The following MCPH1 variants were observed in gnomAD, a reference collection of about 807,000 sequenced individuals.
The protein encoded by MCPH1 is microcephalin 1, also known as microcephalin.
MCPH1 carries 104 observed loss-of-function variants against 84.5 expected under a neutral mutation model. The observed-to-expected ratio is 1.23, with a 90% CI of 1.05 to 1.45. The LOEUF is 1.45. Ranked by LOEUF, MCPH1 falls within the 40% of genes most tolerant of loss-of-function variation. The probability of loss-of-function intolerance (pLI) is 0.00; values close to 1 mark genes in which losing one functional copy is unlikely to be tolerated. For synonymous variants in MCPH1, 514 were observed against 366.8 expected (o/e 1.40, Z -4.58); for missense variants, 1,498 against 1,005.7 (o/e 1.49, Z -6.62).
At chr8:6,447,500 G>A (rs1273532687) in intron 8 of MCPH1, 2 of 792,494 alleles carry the variant, frequency 2.5e-6, no homozygotes, top group Non-Finnish European at 3.1e-6. Flanking sequence ...GCTTCAATAC[G>A]CTGATAGAAC....
chr8:6,461,089 G>C (rs971089889), intron 9 of MCPH1, among the ~76,000 whole-genome samples: 4 of 152,076 alleles, frequency 2.6e-5, no homozygotes, highest in Non-Finnish European at 5.9e-5. Context: ...ACGTAGGTCA[G>C]TTTGCAAAAG....
chr8:6,606,878 CTT>C (rs1475866572), intron 12 of MCPH1, among the ~76,000 whole-genome samples: 3 of 152,348 alleles, frequency 2.0e-5, no homozygotes, highest in African/African-American at 7.2e-5. Context: ...GCTCTCTTCT[CTT>C]GTTTGCCACC....
rs1804202432 is a variant in MCPH1, at chr8:6,445,475, T to C, written c.1753T>C (p.Cys585Arg). The change falls in exon 8 of 14, where the codon TGT (cysteine) becomes CGT (arginine). Residue 585 changes from cysteine (C) to arginine (R), a missense_variant. Coordinates refer to ENST00000344683, the MANE Select transcript of MCPH1 (RefSeq NM_024596.5). ...EGEAQSEHEP[C>R]FIVDCNMETS... ...CGAAGCCCAGAGTGAACATGAGCCA[T>C]GTTTTATAGTTGACTGTAACATGGA... is the stretch of plus-strand genomic sequence containing the variant. The C allele has an allele frequency of 2.5e-6, 4 of 1,614,138 alleles. No individual in the cohort carries two copies. Among genetic ancestry groups the C allele is most frequent in the East Asian group, 2.2e-5 (1 of 44,890 alleles).
intron 5 of MCPH1, 114 bp downstream of exon 5, chr8:6,436,276 T>G: frequency 8.5e-7 from 1 of 1,172,666 alleles, no homozygotes; most frequent in Non-Finnish European, 1.2e-6. Context: ...TATGATAGCT[T>G]TACTCTATGA....
intron 13 of MCPH1, among the ~76,000 whole-genome samples, chr8:6,623,198 A>C (rs982644966): frequency 4.0e-5 from 6 of 151,890 alleles, no homozygotes; most frequent in African/African-American, 1.5e-4. Flanking sequence ...CCCATCTCCA[A>C]ATACAGTCTC....
chr8:6,445,067 A>G lies in MCPH1; in HGVS notation c.1345A>G (p.Lys449Glu), dbSNP rs1470589773. ...TCAGTTGAGCTGCAGAAGTCTTTCTAAGAAGGAGAGAACAAGCATATTTGA... is the reference window on the plus strand; with the variant it reads ...TCAGTTGAGCTGCAGAAGTCTTTCTGAGAAGGAGAGAACAAGCATATTTGA... ...PAQLSCRSLSKKERTSIFEMS... is the reference protein window; with the variant it reads ...PAQLSCRSLSEKERTSIFEMS... Residue 449 changes from lysine (K) to glutamate (E), a missense_variant, in exon 8 of 14, where the codon AAG (lysine) becomes GAG (glutamate). By Grantham distance (56) the Lys-to-Glu change is moderately conservative. Coordinates refer to ENST00000344683, the MANE Select transcript of MCPH1 (RefSeq NM_024596.5). 2.5e-6 allele frequency: 4 copies of G among 1,614,120 alleles called. No individual in the cohort carries two copies. The highest frequency in any genetic ancestry group is 2.5e-6 in the Non-Finnish European group (3 of 1,180,052).
chr8:6,629,837 C>A (rs1416920125), intron 13 of MCPH1, among the ~76,000 whole-genome samples: 3 of 152,310 alleles, frequency 2.0e-5, no homozygotes, highest in South Asian at 4.1e-4. Context: ...GACCCAGAAC[C>A]CCAGTCCTGG....
intron 12 of MCPH1, chr8:6,618,688 A>G (rs1831105638): frequency 6.6e-6 from 1 of 152,198 alleles, no homozygotes; most frequent in Non-Finnish European, 1.5e-5. Context: ...GCTATTTCCA[A>G]AAATAGGTGG....
intron 9 of MCPH1, among the ~76,000 whole-genome samples, chr8:6,457,500 G>A (rs958156904): frequency 1.3e-5 from 2 of 151,712 alleles, no homozygotes; most frequent in Non-Finnish European, 2.9e-5. Context: ...AGCTGCTCAA[G>A]AGACTGAGGT....
intron 11 of MCPH1, 146 bp from the exon 12 acceptor site, chr8:6,499,706 C>T (rs564670184): frequency 3.9e-5 from 27 of 690,720 alleles, no homozygotes; most frequent in Non-Finnish European, 6.2e-5. Context: ...CATGAAGATT[C>T]TGAAGGGACT....
chr8:6,568,373 G>C (rs1271096049), intron 12 of MCPH1, among the ~76,000 whole-genome samples: 1 of 152,212 alleles, frequency 6.6e-6, no homozygotes, highest in Non-Finnish European at 1.5e-5. Context: ...AATCCGTGCA[G>C]CTCTCATAAG....
intron 12 of MCPH1, among the ~76,000 whole-genome samples, chr8:6,528,047 C>A (rs1238961002): frequency 6.8e-6 from 1 of 147,566 alleles, no homozygotes; most frequent in Non-Finnish European, 1.5e-5. Flanking sequence ...AGGTGCGTAC[C>A]ACCATACCCA....
chr8:6,418,770 C>T (rs1308925596), intron 3 of MCPH1, among the ~76,000 whole-genome samples: 3 of 151,988 alleles, frequency 2.0e-5, no homozygotes, highest in Non-Finnish European at 1.5e-5. Context: ...TTAGTGGACA[C>T]GGGGTTTCAC....
intron 13 of MCPH1, among the ~76,000 whole-genome samples, chr8:6,628,095 C>A (rs1796877570): frequency 2.0e-5 from 3 of 152,176 alleles, no homozygotes; most frequent in East Asian, 1.9e-4. Context: ...AACTTCCTAA[C>A]CTGTTGGGTC....
At chr8:6,499,228 T>C (rs1438714642) in intron 11 of MCPH1, among the ~76,000 whole-genome samples, 1 of 152,004 alleles carries the variant, frequency 6.6e-6, no homozygotes, top group Admixed American at 6.5e-5. Flanking sequence ...ATTACTGAAT[T>C]AAAAAGGAAA....
chr8:6,463,091 A>G (rs1191211669), intron 9 of MCPH1, among the ~76,000 whole-genome samples: 1 of 152,240 alleles, frequency 6.6e-6, no homozygotes, highest in Non-Finnish European at 1.5e-5. Flanking sequence ...GGGGGTGAGT[A>G]TAGGAGTATA....
At chr8:6,472,271 C>G (rs540543579) in intron 9 of MCPH1, among the ~76,000 whole-genome samples, 6 of 152,208 alleles carry the variant, frequency 3.9e-5, no homozygotes, top group African/African-American at 1.4e-4. Context: ...GACATAAACA[C>G]CTATGTATTA....
At chr8:6,406,974 C>T (rs1362952817) in intron 1 of MCPH1, 2 of 496,978 alleles carry the variant, frequency 4.0e-6, no homozygotes, top group Non-Finnish European at 7.2e-6. Context: ...TGCTTCCTCC[C>T]CCGTACTGCT....
intron 13 of MCPH1, among the ~76,000 whole-genome samples, chr8:6,631,425 G>C (rs553795390): frequency 6.6e-6 from 1 of 151,926 alleles, no homozygotes; most frequent in Non-Finnish European, 1.5e-5. Flanking sequence ...TGCAAATAAC[G>C]GGTTAATCTT....
Sources: gnomAD v4.1 joint callset for allele counts (sites outside exome capture counted in the v4.1 genomes callset) on GRCh38, gnomAD v4.1.1 for gene constraint, MANE v1.5 for transcripts, NCBI Gene and HGNC (gene_info 2026-07-23, HGNC 2026-07-21) for gene names.